Variants in RFX3 observed in about 807,000 individuals in gnomAD.
RFX3 encodes regulatory factor X3.
Under a neutral mutation model 98.6 loss-of-function variants are expected in RFX3, and 14 were observed. That is an observed-to-expected ratio of 0.14 (90% CI 0.09 to 0.22). RFX3 has a LOEUF of 0.22. Among genes scored for constraint, RFX3 ranks in the 10% least tolerant of loss-of-function variants. The probability of loss-of-function intolerance (pLI) is 1.00; values close to 1 mark genes in which losing one functional copy is unlikely to be tolerated. For missense variants in RFX3, 639 were observed against 926.9 expected (o/e 0.69, Z 4.03); for synonymous variants, 383 against 328.4 (o/e 1.17, Z -1.80).
Position 3,219,459 on chromosome 9 carries a change from AAAAC to A in RFX3, c.*5579_*5582del, listed in dbSNP as rs1208372247. ...AACATCATAATTTATTTAAAAAAAA[AAAAC>A]AAAGGAAAGAGGGGAGAAAAAGAAT... On this transcript the variant is annotated 3_prime_UTR_variant, in exon 17 of 17. Transcript: ENST00000617270. 6.6e-6 allele frequency: 1 copy of A among 151,848 alleles called. No individual in the cohort carries two copies. Among genetic ancestry groups the A allele is most frequent in the African/African-American group, 2.4e-5 (1 of 41,398 alleles). 9.4% of individuals were successfully genotyped at this position (151,848 alleles called of 1,614,324 possible).
chr9:3,289,226 G>C (rs1395261060), intron 6 of RFX3, among the ~76,000 whole-genome samples: 2 of 151,870 alleles, frequency 1.3e-5, no homozygotes, highest in Non-Finnish European at 2.9e-5. Flanking sequence ...TAAAAATAGA[G>C]CAGAATTGCA....
chr9:3,504,182 C>CT (rs1299662336), intron 1 of RFX3, among the ~76,000 whole-genome samples: 1 of 85,278 alleles, frequency 1.2e-5, no homozygotes, highest in African/African-American at 1.1e-4. Flanking sequence ...ATATATTATA[C>CT]ATATTATATA....
At chr9:3,300,006 G>T (rs1044863901) in intron 5 of RFX3, among the ~76,000 whole-genome samples, 1 of 148,710 alleles carries the variant, frequency 6.7e-6, no homozygotes, top group African/African-American at 2.6e-5. Flanking sequence ...GGAAACTTCA[G>T]GTTTTTTTTT....
intron 4 of RFX3, among the ~76,000 whole-genome samples, chr9:3,323,279 T>C (rs1272377004): frequency 6.6e-6 from 1 of 152,204 alleles, no homozygotes; most frequent in Non-Finnish European, 1.5e-5. Flanking sequence ...TTTTCCCCTT[T>C]AAATTAAACA....
chr9:3,263,003 G>A lies in RFX3; in HGVS notation c.1537C>T (p.Leu513Phe). The change falls in exon 13 of 17, where the codon CTT becomes TTT. Residue 513 changes from leucine to phenylalanine, a missense_variant. Physicochemically the swap from Leu to Phe is conservative, Grantham distance 22. This residue lies in a region of RFX3 where 138 missense variants were observed against 308.9 expected (regional missense o/e 0.45). Coordinates refer to ENST00000617270, the MANE Select transcript of RFX3 (RefSeq NM_001282116.2). ...TGGTTGATTTGGGAAGTGTTCTGAA[G>A]CACTGCACGAGCTGCCTGGGCCAGG... is the stretch of plus-strand genomic sequence containing the variant. ...NHLAQAARAV[L>F]QNTSQINQML... The A allele has an allele frequency of 6.2e-7, 1 of 1,613,880 alleles. No homozygotes were observed.
chr9:3,328,656 TA>T (rs1554666947), intron 4 of RFX3, among the ~76,000 whole-genome samples: 2 of 151,510 alleles, frequency 1.3e-5, no homozygotes, highest in Non-Finnish European at 3.0e-5. Flanking sequence ...AATAGCGAAT[TA>T]AAATAAAGAG....
intron 1 of RFX3, among the ~76,000 whole-genome samples, chr9:3,482,011 C>T (rs1394468134): frequency 6.6e-6 from 1 of 151,948 alleles, no homozygotes; most frequent in Non-Finnish European, 1.5e-5. Context: ...TAAATGTACC[C>T]AGCATTTACT....
intron 1 of RFX3, among the ~76,000 whole-genome samples, chr9:3,518,677 CA>C (rs1311444425): frequency 4.6e-5 from 7 of 152,046 alleles, no homozygotes; most frequent in African/African-American, 1.7e-4. Flanking sequence ...TACTGAATAG[CA>C]ACTTTAATAA....
chr9:3,302,139 C>T (rs77020939), intron 4 of RFX3, among the ~76,000 whole-genome samples: 8,762 of 151,812 alleles, frequency 0.058, 828 homozygotes, highest in African/African-American at 0.2. Flanking sequence ...TCCATTAATC[C>T]TGTATTAAAA....
At chr9:3,227,020 G>A (rs573806681) in intron 16 of RFX3, among the ~76,000 whole-genome samples, 95 of 152,270 alleles carry the variant, frequency 6.2e-4, no homozygotes, top group Middle Eastern at 3.4e-3. Flanking sequence ...TAGGTCCTGA[G>A]TATGCCCATC....
chr9:3,330,426 C>A lies in RFX3; in HGVS notation c.307G>T (p.Val103Leu). The stretch of plus-strand genomic sequence containing the variant: ...CTGTGGGATGAGACCACGGTAGTCA[C>A]CTGGGCGGAACTCCCTTGAGTATCA... ...YFDTQGSSAQ[V>L]TTVVSSHSMV... Residue 103 changes from valine (V) to leucine (L), a missense_variant, in exon 4 of 17, where the codon GTG becomes TTG. By Grantham distance (32) the Val-to-Leu change is conservative. This residue lies in a region of RFX3 where 210 missense variants were observed against 197.7 expected (regional missense o/e 1.06). Transcript: ENST00000617270. 1 of 1,614,068 alleles carries A rather than the reference C, an allele frequency of 6.2e-7. No individual in the cohort carries two copies. Among genetic ancestry groups the A allele is most frequent in the Non-Finnish European group, 8.5e-7 (1 of 1,180,008 alleles).
At chr9:3,462,411 G>A (rs1032685536) in intron 1 of RFX3, among the ~76,000 whole-genome samples, 4 of 152,016 alleles carry the variant, frequency 2.6e-5, no homozygotes, top group South Asian at 2.1e-4. Flanking sequence ...CTAATAAAAG[G>A]CATCCAGAAA....
chr9:3,284,907 T>C (rs919071415), intron 7 of RFX3, among the ~76,000 whole-genome samples: 1 of 151,768 alleles, frequency 6.6e-6, no homozygotes, highest in Non-Finnish European at 1.5e-5. Flanking sequence ...CTATGTTCCA[T>C]ACAGTGGTAT....
At chr9:3,339,673 C>A (rs756505100) in intron 3 of RFX3, among the ~76,000 whole-genome samples, 1 of 152,150 alleles carries the variant, frequency 6.6e-6, no homozygotes, top group Non-Finnish European at 1.5e-5. Flanking sequence ...CAAACCAGGT[C>A]CCCGCCCACA....
At chr9:3,340,076 C>T (rs1298585204) in intron 3 of RFX3, among the ~76,000 whole-genome samples, 7 of 152,168 alleles carry the variant, frequency 4.6e-5, no homozygotes, top group Admixed American at 6.5e-5. Context: ...CGGAACAGAA[C>T]AGAGCCCTCA....
intron 1 of RFX3, among the ~76,000 whole-genome samples, chr9:3,404,273 T>C (rs1274313971): frequency 6.6e-6 from 1 of 152,174 alleles, no homozygotes; most frequent in Non-Finnish European, 1.5e-5. Flanking sequence ...AATTTTTACA[T>C]TGATTTTCAT....
intron 7 of RFX3, among the ~76,000 whole-genome samples, chr9:3,285,315 C>A (rs1206275990): frequency 6.6e-6 from 1 of 151,710 alleles, no homozygotes; most frequent in Non-Finnish European, 1.5e-5. Context: ...CTGGCAGTCT[C>A]TTTATATAAT....
In RFX3 at chr9:3,244,519, C is replaced by A. The variant is rs115674760; in HGVS notation, c.1968+3513G>T. On this transcript the variant is annotated intron_variant, in intron 15 of 16. Transcript: ENST00000617270. The stretch of plus-strand genomic sequence containing the variant: ...CAGTGTTTATTTGGTCTCCCTGGTG[C>A]TTGAACGTTAGGTTTCTCAGGAAAA... Among the ~76,000 whole-genome samples, 1,379 of 152,266 alleles carry A rather than the reference C, an allele frequency of 9.1e-3. 14 individuals are homozygous for A. The highest frequency in any genetic ancestry group is 0.032 in the African/African-American group (1,314 of 41,558).
chr9:3,464,110 T>G (rs1023870328), intron 1 of RFX3, among the ~76,000 whole-genome samples: 1 of 152,176 alleles, frequency 6.6e-6, no homozygotes, highest in African/African-American at 2.4e-5. Context: ...TACACCTTCA[T>G]TAGAATGATA....
Sources: gnomAD v4.1 joint callset for allele counts (sites outside exome capture counted in the v4.1 genomes callset) on GRCh38, gnomAD v4.1.1 for gene constraint, gnomAD v4.1.1 regional missense constraint, MANE v1.5 for transcripts, NCBI Gene and HGNC (gene_info 2026-07-23, HGNC 2026-07-21) for gene names.